The following MSH3 variants were observed in gnomAD, a reference collection of about 807,000 sequenced individuals.
MSH3 encodes mutS homolog 3.
Under a neutral mutation model 123.3 loss-of-function variants are expected in MSH3, and 106 were observed. The ratio of observed to expected loss-of-function variants is 0.86; its 90% CI spans 0.73 to 1.01. MSH3 has a LOEUF of 1.01. Among genes scored for constraint, MSH3 ranks in the 50% least tolerant of loss-of-function variants. MSH3 has a pLI of 0.00. For synonymous variants in MSH3, 515 were observed against 481.4 expected (o/e 1.07, Z -0.91); for missense variants, 1,459 against 1,347.6 (o/e 1.08, Z -1.29).
chr5:80,779,146 C>T lies in MSH3; in HGVS notation c.2435+310C>T, dbSNP rs565207620. 1.7e-3 allele frequency among the ~76,000 whole-genome samples: 262 copies of T among 152,164 alleles called. 2 individuals carry two copies. Among genetic ancestry groups the T allele is most frequent in the African/African-American group, 6.0e-3 (249 of 41,514 alleles). On this transcript the variant is annotated intron_variant, in intron 17 of 23. Coordinates refer to ENST00000265081, the MANE Select transcript of MSH3 (RefSeq NM_002439.5). ...TAGCTGGGATTACAGGCACCCACCA[C>T]TACACCCAGCTAATTTTTGTATTTT...
At chr5:80,746,605 C>G in intron 12 of MSH3, 1 of 360,170 alleles carries the variant, frequency 2.8e-6, no homozygotes, top group South Asian at 2.2e-5. Context: ...TTGTTCGCAT[C>G]ATCCTCGGGA....
At chr5:80,848,272 C>T (rs966636104) in intron 20 of MSH3, among the ~76,000 whole-genome samples, 23 of 152,072 alleles carry the variant, frequency 1.5e-4, no homozygotes, top group African/African-American at 5.1e-4. Flanking sequence ...TATACAGCAT[C>T]GAATTTTAAT....
intron 20 of MSH3, among the ~76,000 whole-genome samples, chr5:80,846,977 A>G (rs894612531): frequency 6.6e-6 from 1 of 151,996 alleles, no homozygotes; most frequent in African/African-American, 2.4e-5. Flanking sequence ...GGAAATGCAG[A>G]AATCACATAT....
At chr5:80,691,753 A>T (rs932129856) in intron 8 of MSH3, among the ~76,000 whole-genome samples, 1 of 140,608 alleles carries the variant, frequency 7.1e-6, no homozygotes, top group Non-Finnish European at 1.5e-5. Flanking sequence ...GTGTGTGTAT[A>T]TATATATTTA....
chr5:80,738,484 A>G (rs1743553500), intron 10 of MSH3, among the ~76,000 whole-genome samples: 1 of 152,210 alleles, frequency 6.6e-6, no homozygotes, highest in African/African-American at 2.4e-5. Context: ...TTGGTAGAAC[A>G]GGGGATGCTT....
chr5:80,791,003 TG>T (rs1744596951), intron 18 of MSH3, among the ~76,000 whole-genome samples: 1 of 152,210 alleles, frequency 6.6e-6, no homozygotes, highest in Non-Finnish European at 1.5e-5. Flanking sequence ...AAATGAACTC[TG>T]TTATTCTCGT....
At chr5:80,711,946 G>A (rs1289667250) in intron 8 of MSH3, among the ~76,000 whole-genome samples, 1 of 152,092 alleles carries the variant, frequency 6.6e-6, no homozygotes, top group Non-Finnish European at 1.5e-5. Flanking sequence ...GAGCCACCAC[G>A]CCCGGCCAGC....
chr5:80,773,619 A>G (rs1744249482), intron 15 of MSH3, among the ~76,000 whole-genome samples: 1 of 152,230 alleles, frequency 6.6e-6, no homozygotes, highest in South Asian at 2.1e-4. Flanking sequence ...AAATACCTGA[A>G]GGTACGTGCA....
intron 6 of MSH3, among the ~76,000 whole-genome samples, chr5:80,674,332 A>T (rs978826370): frequency 6.6e-6 from 1 of 152,230 alleles, no homozygotes; most frequent in Non-Finnish European, 1.5e-5. Flanking sequence ...ATACATGCAC[A>T]TATAATGTAT....
Position 80,682,546 on chromosome 5 carries a change from C to T in MSH3, c.1340+3453C>T, listed in dbSNP as rs567164312. Among the ~76,000 whole-genome samples, 431 of 152,108 alleles carry T rather than the reference C, an allele frequency of 2.8e-3. 9 individuals are homozygous for T. The highest frequency in any genetic ancestry group is 1.7e-3 in the Non-Finnish European group (113 of 68,000). ...CAGCCTGACCAACATGGTGAAACCCCATCTCTACTAAAAATACAAAAATTA... is the reference window on the plus strand; with the variant it reads ...CAGCCTGACCAACATGGTGAAACCCTATCTCTACTAAAAATACAAAAATTA... On this transcript the variant is annotated intron_variant, in intron 8 of 23. Transcript: ENST00000265081.
chr5:80,752,141 T>G (rs1373584715), intron 12 of MSH3, among the ~76,000 whole-genome samples: 1 of 151,854 alleles, frequency 6.6e-6, no homozygotes, highest in Non-Finnish European at 1.5e-5. Flanking sequence ...AACATTTATA[T>G]ATATATTTAA....
At chr5:80,770,360 G>A (rs1336343387) in intron 15 of MSH3, among the ~76,000 whole-genome samples, 1 of 150,882 alleles carries the variant, frequency 6.6e-6, no homozygotes, top group Non-Finnish European at 1.5e-5. Flanking sequence ...AGTTACCTCT[G>A]TTGTAAGACT....
intron 12 of MSH3, among the ~76,000 whole-genome samples, chr5:80,759,983 G>A (rs1463737632): frequency 1.3e-5 from 2 of 152,174 alleles, no homozygotes; most frequent in Non-Finnish European, 2.9e-5. Flanking sequence ...TCTGTATTAT[G>A]AAAAGGCATG....
At chr5:80,712,137 A>T (rs1319636310) in intron 8 of MSH3, among the ~76,000 whole-genome samples, 1 of 152,138 alleles carries the variant, frequency 6.6e-6, no homozygotes, top group Non-Finnish European at 1.5e-5. Flanking sequence ...GTGTTCCACA[A>T]GGTGGCAGGA....
intron 19 of MSH3, among the ~76,000 whole-genome samples, chr5:80,803,721 A>C (rs1220236832): frequency 6.6e-6 from 1 of 152,076 alleles, no homozygotes; most frequent in Non-Finnish European, 1.5e-5. Flanking sequence ...TTTTAGATTT[A>C]AGTCTCTAAT....
At chr5:80,789,740 A>G (rs1411596310) in intron 18 of MSH3, among the ~76,000 whole-genome samples, 1 of 152,194 alleles carries the variant, frequency 6.6e-6, no homozygotes, top group African/African-American at 2.4e-5. Flanking sequence ...TAAGAAGAAT[A>G]ATTTAGGAAA....
intron 8 of MSH3, among the ~76,000 whole-genome samples, chr5:80,689,627 T>G (rs1750181892): frequency 6.6e-6 from 1 of 151,764 alleles, no homozygotes; most frequent in South Asian, 2.1e-4. Context: ...AATGAATGAT[T>G]GTTTGGTATG....
At chr5:80,825,404 A>C (rs1163442967) in intron 20 of MSH3, among the ~76,000 whole-genome samples, 7 of 152,190 alleles carry the variant, frequency 4.6e-5, no homozygotes, top group Non-Finnish European at 1.0e-4. Flanking sequence ...AGTGTTATAT[A>C]TTTATAAAAT....
intron 16 of MSH3, among the ~76,000 whole-genome samples, chr5:80,778,223 A>C (rs1191712264): frequency 6.6e-6 from 1 of 152,210 alleles, no homozygotes; most frequent in African/African-American, 2.4e-5. Flanking sequence ...AGTATCCTGA[A>C]GATCTTTCTT....
Sources: gnomAD v4.1 joint callset for allele counts (sites outside exome capture counted in the v4.1 genomes callset) on GRCh38, gnomAD v4.1.1 for gene constraint, MANE v1.5 for transcripts, NCBI Gene and HGNC (gene_info 2026-07-23, HGNC 2026-07-21) for gene names.